Variants in ENTREP2 observed in about 807,000 individuals in gnomAD.
ENTREP2 encodes the protein endosomal transmembrane epsin interactor 2.
the ENTREP2 span, among the ~76,000 whole-genome samples, chr15:29,306,664 A>ATTTTTTTTTTT: frequency 7.5e-4 from 58 of 77,330 alleles, 6 homozygotes; most frequent in Non-Finnish European, 1.3e-3. Flanking sequence ...ATAATTGGTA[A>ATTTTTTTTTTT]TTTTTTTTTT....
chr15:29,234,058 T>G, the ENTREP2 span: 2 of 1,465,156 alleles, frequency 1.4e-6, no homozygotes, highest in Non-Finnish European at 1.9e-6. Context: ...TATTGCTTTG[T>G]GCAACCTCAC....
chr15:29,317,457 AGG>A, the ENTREP2 span, among the ~76,000 whole-genome samples: 120 of 152,340 alleles, frequency 7.9e-4, 1 homozygote, highest in African/African-American at 2.7e-3. Flanking sequence ...CAAAATAGTC[AGG>A]AACAGACCTC....
chr15:29,166,615 G>C, the ENTREP2 span, among the ~76,000 whole-genome samples: 300 of 152,090 alleles, frequency 2.0e-3, no homozygotes, highest in Middle Eastern at 6.8e-3. Context: ...CCTAACCAAG[G>C]AGTCAAAAGA....
the ENTREP2 span, among the ~76,000 whole-genome samples, chr15:29,494,331 T>C: frequency 7.2e-5 from 11 of 152,162 alleles, no homozygotes; most frequent in East Asian, 2.1e-3. Flanking sequence ...TTTATACACA[T>C]AAAATTGTGC....
chr15:29,386,642 T>C, the ENTREP2 span, among the ~76,000 whole-genome samples: 1 of 152,218 alleles, frequency 6.6e-6, no homozygotes, highest in African/African-American at 2.4e-5. Context: ...ACCCGCAATG[T>C]AATGGTATTT....
At chr15:29,337,730 C>A in the ENTREP2 span, among the ~76,000 whole-genome samples, 1 of 152,092 alleles carries the variant, frequency 6.6e-6, no homozygotes, top group African/African-American at 2.4e-5. Flanking sequence ...CCTGCCTGGG[C>A]TCTTTACCTA....
chr15:29,264,920 A>T, the ENTREP2 span: 1 of 152,214 alleles, frequency 6.6e-6, no homozygotes, highest in African/African-American at 2.4e-5. Flanking sequence ...TTGTCTCCAA[A>T]ATGCAAGAAT....
chr15:29,657,142 C>G, the ENTREP2 span, among the ~76,000 whole-genome samples: 2 of 152,078 alleles, frequency 1.3e-5, no homozygotes, highest in Non-Finnish European at 2.9e-5. Context: ...CCGCCTCCCC[C>G]GTTCCGGCCA....
the ENTREP2 span, among the ~76,000 whole-genome samples, chr15:29,577,167 G>A: frequency 6.6e-6 from 1 of 151,956 alleles, no homozygotes; most frequent in South Asian, 2.1e-4. Flanking sequence ...TCAAGATATG[G>A]AGAAATTAGA....
At chr15:29,156,660 C>T in the ENTREP2 span, among the ~76,000 whole-genome samples, 9 of 152,172 alleles carry the variant, frequency 5.9e-5, no homozygotes, top group South Asian at 4.2e-4. Flanking sequence ...ATGCAGATGC[C>T]GGTCTGAGGG....
chr15:29,300,198 AGGTG>A, the ENTREP2 span, among the ~76,000 whole-genome samples: 223 of 122,926 alleles, frequency 1.8e-3, 1 homozygote, highest in African/African-American at 6.3e-3. Context: ...ATGGGTAGGT[AGGTG>A]GGTGGGTGGG....
chr15:29,424,206 G>C, the ENTREP2 span, among the ~76,000 whole-genome samples: 4 of 152,310 alleles, frequency 2.6e-5, no homozygotes, highest in South Asian at 6.2e-4. Flanking sequence ...TTATTGCCAA[G>C]AGCAGCAAAA....
chr15:29,282,235 G>A, the ENTREP2 span, among the ~76,000 whole-genome samples: 79,101 of 151,854 alleles, frequency 0.52, 23,213 homozygotes, highest in Non-Finnish European at 0.68. Context: ...ATGCTGATGA[G>A]TAAGTCTCAC....
At chr15:29,290,768 C>T in the ENTREP2 span, among the ~76,000 whole-genome samples, 1 of 152,230 alleles carries the variant, frequency 6.6e-6, no homozygotes, top group Non-Finnish European at 1.5e-5. Flanking sequence ...TTTCCTTTCT[C>T]TAGGCCGTGA....
At chr15:29,127,745 C>T in the ENTREP2 span, among the ~76,000 whole-genome samples, 8 of 152,262 alleles carry the variant, frequency 5.3e-5, no homozygotes, top group South Asian at 2.1e-4. Flanking sequence ...GTGAGGAGCA[C>T]CCCTGTCTAT....
the ENTREP2 span, among the ~76,000 whole-genome samples, chr15:29,562,571 G>A: frequency 6.6e-6 from 1 of 152,164 alleles, no homozygotes; most frequent in African/African-American, 2.4e-5. Context: ...TCTTGGTTCT[G>A]TTCTGTAACT....
chr15:29,234,840 C>T, the ENTREP2 span: 1 of 1,422,492 alleles, frequency 7.0e-7, no homozygotes, highest in Non-Finnish European at 9.9e-7. Context: ...AAGAACTTTG[C>T]ATTAGATATG....
the ENTREP2 span, among the ~76,000 whole-genome samples, chr15:29,192,054 TG>T: frequency 6.6e-6 from 1 of 152,308 alleles, no homozygotes; most frequent in South Asian, 2.1e-4. Context: ...AAGAGAGCTC[TG>T]GAAGACCTCA....
chr15:29,124,660 A>C, the ENTREP2 span: 1 of 1,546,844 alleles, frequency 6.5e-7, no homozygotes, highest in Non-Finnish European at 8.7e-7. Context: ...GGCGCAGTCA[A>C]AGCGCTTTAG....
Sources: gnomAD v4.1 joint callset for allele counts (sites outside exome capture counted in the v4.1 genomes callset) on GRCh38, gnomAD v4.1.1 for gene constraint, MANE v1.5 for transcripts, NCBI Gene and HGNC (gene_info 2026-07-23, HGNC 2026-07-21) for gene names.